The following CXorf58 variants were observed in gnomAD, a reference collection of about 807,000 sequenced individuals.
The protein encoded by CXorf58 is uncharacterized protein CXorf58.
A neutral mutation model predicts 26.0 loss-of-function variants in CXorf58; 24 were observed. That is an observed-to-expected ratio of 0.92 (90% CI 0.67 to 1.30). CXorf58 has a LOEUF of 1.30. Among genes scored for constraint, CXorf58 ranks in the 50% most tolerant of loss-of-function variants. The probability of loss-of-function intolerance (pLI) is 0.00; values close to 1 mark genes in which losing one functional copy is unlikely to be tolerated. For missense variants in CXorf58, 236 were observed against 263.9 expected (o/e 0.89, Z 0.73); for synonymous variants, 87 against 86.1 (o/e 1.01, Z -0.06).
intron 6 of CXorf58, among the ~76,000 whole-genome samples, chrX:23,930,508 G>A (rs1354676334): frequency 1.9e-5 from 2 of 106,347 alleles, no homozygotes; most frequent in Non-Finnish European, 3.9e-5. Flanking sequence ...GTGATGGTAT[G>A]CCCCTATGGT....
rs199875318 is a variant in CXorf58 at position 23,910,417 on chromosome X, T to C, written c.115T>C (p.Ser39Pro). The change falls in exon 2 of 9, where the codon TCA becomes CCA. Residue 39 changes from serine to proline, a missense_variant and splice_region_variant. Transcript: ENST00000379211. ...ANARNARSLL[S>P]MLKDISAQII... Reference sequence around the variant, plus strand: ...TGCACGAAATGCAAGATCATTACTATCGTAAGTACCTGTGTTTTGCCTTGT... The same window carrying C: ...TGCACGAAATGCAAGATCATTACTACCGTAAGTACCTGTGTTTTGCCTTGT... 4.9e-5 allele frequency: 52 copies of C among 1,055,724 alleles called. No homozygotes were observed. The African/African-American group carries it at 8.3e-4, about 17-fold the overall frequency. The allele number at this position is 1,055,724 out of a possible 1,213,427, so 87.0% of individuals were successfully genotyped here.
intron 6 of CXorf58, among the ~76,000 whole-genome samples, chrX:23,930,196 CAAAAAAAA>C (rs752970734): frequency 1.4e-4 from 5 of 36,776 alleles, no homozygotes; most frequent in African/African-American, 6.5e-4. Context: ...GACTCTGTCT[CAAAAAAAA>C]AAAAAAAAAA....
intron 4 of CXorf58, 71 bp from the exon 5 acceptor site, chrX:23,916,146 A>T: frequency 1.7e-6 from 1 of 579,050 alleles, no homozygotes; most frequent in Non-Finnish European, 2.8e-6. Context: ...GAACTATCTT[A>T]AGTATAAGGG....
At chrX:23,929,360 T>C (rs1236194791) in intron 6 of CXorf58, among the ~76,000 whole-genome samples, 3 of 99,170 alleles carry the variant, frequency 3.0e-5, no homozygotes, top group Non-Finnish European at 4.0e-5. Flanking sequence ...GAGCCGAAAT[T>C]GCGCCACTGC....
intron 6 of CXorf58, among the ~76,000 whole-genome samples, chrX:23,934,680 G>A (rs774895015): frequency 4.1e-4 from 45 of 111,087 alleles, no homozygotes; most frequent in African/African-American, 1.2e-3. Context: ...CCATTAACTC[G>A]TCATTTACAT....
At chrX:23,924,360 C>T (rs1307334138) in intron 5 of CXorf58, among the ~76,000 whole-genome samples, 1 of 109,105 alleles carries the variant, frequency 9.2e-6, no homozygotes, top group Non-Finnish European at 1.9e-5. Context: ...CTCACTCTGT[C>T]GCCCAGGCTG....
At chrX:23,909,638 C>T (rs986100227) in intron 1 of CXorf58, among the ~76,000 whole-genome samples, 2 of 111,325 alleles carry the variant, frequency 1.8e-5, no homozygotes, top group Non-Finnish European at 3.8e-5. Context: ...GATAAAGAGC[C>T]CCTGGTTTAG....
intron 6 of CXorf58, among the ~76,000 whole-genome samples, chrX:23,932,572 T>C (rs1481222851): frequency 8.9e-6 from 1 of 112,542 alleles, no homozygotes; most frequent in Non-Finnish European, 1.9e-5. Context: ...TATACGTTGC[T>C]GTTTGTGTGT....
At chrX:23,915,396 C>G (rs768086346) in intron 3 of CXorf58, among the ~76,000 whole-genome samples, 1 of 111,515 alleles carries the variant, frequency 9.0e-6, no homozygotes, top group East Asian at 2.8e-4. Context: ...AGCTTACAGT[C>G]TAGTAGGAGG....
At chrX:23,925,611 G>T (rs1053329585) in intron 5 of CXorf58, among the ~76,000 whole-genome samples, 3 of 108,921 alleles carry the variant, frequency 2.8e-5, no homozygotes, top group African/African-American at 6.7e-5. Flanking sequence ...GCCTTCCAAA[G>T]TGCTGAGATT....
In CXorf58 at chrX:23,932,987, T is replaced by C. The variant is rs182289198; in HGVS notation, c.556-2209T>C. 3.0e-4 allele frequency among the ~76,000 whole-genome samples: 33 copies of C among 109,286 alleles called. No homozygotes were observed. In the East Asian group the frequency reaches 8.1e-3, roughly 27 times the overall value. The allele number at this position is 109,286 out of a possible 115,157, so 94.9% of individuals were successfully genotyped here. ...TCCAGCCTGGGCGATAAAGCAAGAC[T>C]CCATCTCAAAAAAAAAAGTTTGAAA... On this transcript the variant is annotated intron_variant, in intron 6 of 8. Transcript: ENST00000379211.
chrX:23,922,236 C>T (rs925382635), intron 5 of CXorf58, among the ~76,000 whole-genome samples: 2 of 109,314 alleles, frequency 1.8e-5, no homozygotes, highest in African/African-American at 3.3e-5. Flanking sequence ...TAGCCAAGCG[C>T]GGTGGCACGT....
rs745814457 is a variant in CXorf58 at position 23,915,746 on chromosome X, A to T, written c.263A>T (p.Glu88Val). 34 of 1,194,124 alleles carry T rather than the reference A, an allele frequency of 2.8e-5. No homozygotes were observed. The East Asian group carries it at 9.8e-4, about 34-fold the overall frequency. Residue 88 changes from glutamate (E) to valine (V), a missense_variant, in exon 4 of 9, where the codon GAG becomes GTG. Glu to Val is a moderately radical substitution (Grantham distance 121). Coordinates refer to ENST00000379211, the MANE Select transcript of CXorf58 (RefSeq NM_152761.3). ...HEILKKVAPLEAKLIKDPTMQ... is the reference protein window; with the variant it reads ...HEILKKVAPLVAKLIKDPTMQ... ...ATACTGAAGAAAGTGGCCCCCTTAG[A>T]GGCTAAGCTTATTAAGGATCCTACT...
chrX:23,934,754 C>T, intron 6 of CXorf58, among the ~76,000 whole-genome samples: 1 of 110,310 alleles, frequency 9.1e-6, no homozygotes, highest in Non-Finnish European at 1.9e-5. Flanking sequence ...GAACTCCCGA[C>T]CTCAAGTGAC....
intron 7 of CXorf58, among the ~76,000 whole-genome samples, chrX:23,936,870 C>A (rs1229321991): frequency 8.9e-6 from 1 of 111,772 alleles, no homozygotes; most frequent in Non-Finnish European, 1.9e-5. Flanking sequence ...CATATGAGCA[C>A]TGAATATAGA....
chrX:23,938,208 G>A (rs946018339), intron 7 of CXorf58, among the ~76,000 whole-genome samples: 2 of 111,283 alleles, frequency 1.8e-5, no homozygotes, highest in East Asian at 5.6e-4. Context: ...ACTTTTTTGT[G>A]TTAGTATATG....
rs150355833 is a variant in CXorf58 at position 23,912,602 on chromosome X, G to T, written c.216+746G>T. On this transcript the variant is annotated intron_variant, in intron 3 of 8. Transcript: ENST00000379211. ...CTACTAAAATACAAAAAAATAGCCA[G>T]GCGTGGTGGCATGAGCCTGTAGTCA... 3.5e-3 allele frequency among the ~76,000 whole-genome samples: 384 copies of T among 111,132 alleles called. 2 individuals are homozygous for T. The highest frequency in any genetic ancestry group is 0.012 in the African/African-American group (358 of 30,646).
intron 7 of CXorf58, among the ~76,000 whole-genome samples, chrX:23,936,465 T>C (rs1363887023): frequency 8.9e-6 from 1 of 112,105 alleles, no homozygotes; most frequent in African/African-American, 3.2e-5. Context: ...ATAGATGTAT[T>C]ATGATCTGAA....
intron 7 of CXorf58, 69 bp downstream of exon 7, chrX:23,935,494 T>G: frequency 1.3e-6 from 1 of 785,769 alleles, no homozygotes; most frequent in Non-Finnish European, 1.9e-6. Flanking sequence ...TTCTGCCAGA[T>G]AGCTCACTAA....
Sources: gnomAD v4.1 joint callset for allele counts (sites outside exome capture counted in the v4.1 genomes callset) on GRCh38, gnomAD v4.1.1 for gene constraint, MANE v1.5 for transcripts, NCBI Gene and HGNC (gene_info 2026-07-23, HGNC 2026-07-21) for gene names.